MAN2C1: variants seen among roughly 807,000 people sequenced by gnomAD.
MAN2C1 encodes the protein mannosidase alpha class 2C member 1.
MAN2C1 carries 111 observed loss-of-function variants against 126.9 expected under a neutral mutation model. That is an observed-to-expected ratio of 0.87 (90% CI 0.75 to 1.02). The LOEUF (loss-of-function observed/expected upper bound fraction) is 1.02. MAN2C1 is among the 50% of genes least tolerant of loss of function. MAN2C1 has a pLI of 0.00. For synonymous variants in MAN2C1, 567 were observed against 561.5 expected (o/e 1.01, Z -0.14); for missense variants, 1,363 against 1,364.4 (o/e 1.00, Z 0.02).
rs747212794 is a variant in MAN2C1 at position 75,360,211 on chromosome 15, T to C, written c.1585A>G (p.Ile529Val). ...TCACATTCCCGGTTCCCCTTCTTGA[T>C]CTGAGCCCAGGATGGGAAGATTAGT... ...HNGTYTTHAQ[I>V]KKGNRECERI... The change falls in exon 14 of 26, where the codon ATC becomes GTC. Residue 529 changes from isoleucine to valine, a missense_variant and splice_region_variant. Around this residue, in one of 3 missense-constraint regions of MAN2C1, gnomAD observed 67 missense variants for 104.5 expected, o/e 0.64. Transcript: ENST00000267978. The C allele has an allele frequency of 5.6e-6, 9 of 1,608,320 alleles. No homozygotes were observed. The African/African-American group carries it at 6.7e-5, about 12-fold the overall frequency.
Position 75,368,153 on chromosome 15 carries a change from C to T in MAN2C1, c.147G>A (p.Leu49=). The T allele has an allele frequency of 1.2e-6, 2 of 1,604,686 alleles. No homozygotes were observed. Among genetic ancestry groups the T allele is most frequent in the East Asian group, 2.2e-5 (1 of 44,518 alleles). Residue 49 remains leucine (L), a synonymous_variant, in exon 2 of 26, where the codon CTG becomes CTA. Coordinates refer to ENST00000267978, the MANE Select transcript of MAN2C1 (RefSeq NM_006715.4). The part of the protein sequence containing the change: ...SCPVAVLSSF[L]TPERLPYQEA... ...CCTGGTAGGGAAGTCTCTCCGGCGT[C>T]AGGAAGCTGGAGAGCACAGCCACAG...
chr15:75,366,937 T>C (rs948511529), intron 3 of MAN2C1, among the ~76,000 whole-genome samples: 2 of 152,148 alleles, frequency 1.3e-5, no homozygotes, highest in African/African-American at 4.8e-5. Context: ...AGGGGCAGGT[T>C]TGCCTCATTC....
chr15:75,368,077 G>A lies in MAN2C1; in HGVS notation c.223C>T (p.Pro75Ser). The A allele has an allele frequency of 6.2e-7, 1 of 1,606,270 alleles. No homozygotes were observed. The highest frequency in any genetic ancestry group is 8.5e-7 in the Non-Finnish European group (1 of 1,177,586). ...CACCCGCTGGGCGTTACCTACGTGG[G>A]TCCGAAGCTGTCGCCGACCTGCGCG... ...RPAQVGDSFG[P>S]TWWTCWFRVE... Residue 75 changes from proline to serine, a missense_variant, in exon 2 of 26, where the codon CCC (proline) becomes TCC (serine). Around this residue, in one of 3 missense-constraint regions of MAN2C1, gnomAD observed 628 missense variants for 609.8 expected, o/e 1.03. Transcript: ENST00000267978.
At chr15:75,360,923 C>A in intron 12 of MAN2C1, 123 bp downstream of exon 12, 1 of 1,329,508 alleles carries the variant, frequency 7.5e-7, no homozygotes, top group Non-Finnish European at 1.0e-6. Context: ...TGGAGGAACC[C>A]GTGGTCTAGG....
In MAN2C1 at chr15:75,356,077, C is replaced by T. The variant is rs764646840; in HGVS notation, c.2996+33G>A. The T allele has an allele frequency of 8.1e-6, 13 of 1,613,310 alleles. No individual in the cohort carries two copies. The highest frequency in any genetic ancestry group is 2.2e-5 in the East Asian group (1 of 44,876). On this transcript the variant is annotated intron_variant, in intron 25 of 25. Transcript: ENST00000267978. This position sits in a 1 kb window ranked among gnomAD's most constrained non-coding sequence, Gnocchi z 5.8. ...ATGAAGGCTCTGCGAGGGCGAGACT[C>T]GACCCCCGCCCCAATCCCACACCGC...
At chr15:75,359,269 C>G (rs368428471) in intron 17 of MAN2C1, 59 bp downstream of exon 17, 4 of 1,585,386 alleles carry the variant, frequency 2.5e-6, no homozygotes, top group East Asian at 4.5e-5. Flanking sequence ...GCTCAGGACC[C>G]TCAGTTGTAA....
In MAN2C1 at chr15:75,361,423, C is replaced by T. The variant is rs1237382936; in HGVS notation, c.1219-42G>A. The T allele has an allele frequency of 6.7e-7, 1 of 1,491,398 alleles. No homozygotes were observed. The highest frequency in any genetic ancestry group is 2.4e-5 in the East Asian group (1 of 42,422). The allele number at this position is 1,491,398 out of a possible 1,614,324, so 92.4% of individuals were successfully genotyped here. A position where few individuals can be genotyped will look rare whatever the true frequency, so the allele number is the denominator to read the frequency against. ...AGAAGCAGGGCAGAGAGGCCAGAGT[C>T]AGGGCTGAGGCAGAGCCAGGCCTTC... On this transcript the variant is annotated intron_variant, in intron 10 of 25. Transcript: ENST00000267978. The surrounding 1 kb of genome is among the most constrained non-coding windows in gnomAD (Gnocchi z 5.0).
chr15:75,368,225 T>A (rs1421659643), intron 1 of MAN2C1, 27 bp from the exon 2 acceptor site: 1 of 1,584,656 alleles, frequency 6.3e-7, no homozygotes, highest in East Asian at 2.3e-5. Flanking sequence ...GGTGGGCACA[T>A]GCTGGAGGCC....
chr15:75,357,303 G>T, intron 21 of MAN2C1: 1 of 161,502 alleles, frequency 6.2e-6, no homozygotes, highest in Admixed American at 6.2e-5. Flanking sequence ...GTGCCACCAC[G>T]CCCGGCTTTT....
chr15:75,359,293 C>G, intron 17 of MAN2C1, 35 bp downstream of exon 17: 1 of 1,578,546 alleles, frequency 6.3e-7, no homozygotes, highest in Non-Finnish European at 8.6e-7. Flanking sequence ...AGTATCCCAG[C>G]ACAGTTCCTG....
chr15:75,367,917 G>C, intron 2 of MAN2C1, 156 bp downstream of exon 2: 1 of 1,067,776 alleles, frequency 9.4e-7, no homozygotes, highest in Non-Finnish European at 1.3e-6. Flanking sequence ...GGACCAGAGA[G>C]CTGTTCCCAG....
intron 21 of MAN2C1, chr15:75,357,150 C>CT (rs1363010380): frequency 4.0e-6 from 2 of 504,334 alleles, no homozygotes; most frequent in Non-Finnish European, 7.1e-6. Flanking sequence ...AAATGTAAAA[C>CT]TTTGTTTTTT....
rs113892152 is a variant in MAN2C1 at position 75,360,992 on chromosome 15, G to A, written c.1460+54C>T. On this transcript the variant is annotated intron_variant, in intron 12 of 25. Transcript: ENST00000267978. ...GGCCCAATGTCTGAGGGAAGGCAGG[G>A]CTCATGGCAAGGGCCCAGGGTGGGG... The A allele has an allele frequency of 3.9e-3, 6,062 of 1,564,856 alleles. 198 individuals are homozygous for A. In the African/African-American group the frequency reaches 0.07, roughly 18 times the overall value.
intron 21 of MAN2C1, chr15:75,357,776 C>G (rs908475161): frequency 5.3e-6 from 1 of 187,240 alleles, no homozygotes. Flanking sequence ...CCCACCACCA[C>G]ACCCGGCTAA....
Position 75,359,956 on chromosome 15 carries a change from A to G in MAN2C1, c.1739T>C (p.Val580Ala). The change falls in exon 15 of 26, where the codon GTG (valine) becomes GCG (alanine). Residue 580 changes from valine to alanine, a missense_variant. Val to Ala is a moderately conservative substitution (Grantham distance 64, BLOSUM62 0). Transcript: ENST00000267978. ...LLLLNQFHDV[V>A]TGSCIQMVAE... ...CACCATCTGGATGCAGCTTCCAGTC[A>G]CCACATCATGGAACTGGTTCAGAAG... 3 of 1,613,668 alleles carry G rather than the reference A, an allele frequency of 1.9e-6. No homozygotes were observed. The highest frequency in any genetic ancestry group is 2.5e-6 in the Non-Finnish European group (3 of 1,179,786).
chr15:75,358,218 C>A lies in MAN2C1; in HGVS notation c.2530G>T (p.Asp844Tyr). The change falls in exon 21 of 26, where the codon GAC becomes TAC. Residue 844 changes from aspartate (D) to tyrosine (Y), a missense_variant. Physicochemically the swap from Asp to Tyr is radical, Grantham distance 160. Transcript: ENST00000267978. Reference protein sequence around the residue: ...QRPTHYNTSWDWARFEVWAHR... With the variant: ...QRPTHYNTSWYWARFEVWAHR... ...TGTCAGACCTCAAATCGAGCCCAGT[C>A]CCAAGAGGTATTGTAGTGGGTAGGT... 1 of 1,614,156 alleles carries A rather than the reference C, an allele frequency of 6.2e-7. No homozygotes were observed. Among genetic ancestry groups the A allele is most frequent in the Non-Finnish European group, 8.5e-7 (1 of 1,180,026 alleles).
rs2072527854 is a variant in MAN2C1 at position 75,364,032 on chromosome 15, T to C, written c.757A>G (p.Ile253Val). Residue 253 changes from isoleucine to valine, a missense_variant, in exon 6 of 26, where the codon ATT becomes GTT. Coordinates refer to ENST00000267978, the MANE Select transcript of MAN2C1 (RefSeq NM_006715.4). ...GQHGGESQHT[I>V]HATGHCHIDT... ...ATGTGGCAGTGCCCTGTGGCATGAA[T>C]GGTGTGTTGGCTTTCACCCCCATGT... 2 of 1,614,176 alleles carry C rather than the reference T, an allele frequency of 1.2e-6. No homozygotes were observed. Among genetic ancestry groups the C allele is most frequent in the African/African-American group, 1.3e-5 (1 of 75,046 alleles).
rs780434943 is a variant in MAN2C1 at position 75,362,334 on chromosome 15, T to G, written c.1008+9A>C. Reference sequence around the variant, plus strand: ...CAGTTCAAGGCTGAGGAGTGCCCAGTGCACTTACCATCTCCACCCAGGTGC... The same window carrying G: ...CAGTTCAAGGCTGAGGAGTGCCCAGGGCACTTACCATCTCCACCCAGGTGC... On this transcript the variant is annotated intron_variant, in intron 8 of 25. Transcript: ENST00000267978. The surrounding 1 kb of genome is among the most constrained non-coding windows in gnomAD (Gnocchi z 4.5). 2 of 1,611,468 alleles carry G rather than the reference T, an allele frequency of 1.2e-6. No homozygotes were observed. The highest frequency in any genetic ancestry group is 3.3e-5 in the Admixed American group (2 of 60,010).
chr15:75,363,382 T>C (rs892220397), intron 6 of MAN2C1: 21 of 452,206 alleles, frequency 4.6e-5, no homozygotes, highest in South Asian at 3.1e-4. Context: ...CTGGAGTAAG[T>C]ACCTCTCCTG....
Sources: gnomAD v4.1 joint callset for allele counts (sites outside exome capture counted in the v4.1 genomes callset) on GRCh38, gnomAD v4.1.1 for gene constraint, gnomAD v4.1.1 regional missense constraint, Gnocchi (gnomAD v3.1) non-coding constraint, MANE v1.5 for transcripts, NCBI Gene and HGNC (gene_info 2026-07-23, HGNC 2026-07-21) for gene names.